DNAJC13: variants seen among roughly 807,000 people sequenced by gnomAD.
DNAJC13 encodes dnaJ homolog subfamily C member 13.
DNAJC13 carries 75 observed loss-of-function variants against 290.5 expected under a neutral mutation model. The observed-to-expected ratio is 0.26, with a 90% CI of 0.21 to 0.31. The LOEUF is 0.31. Among genes scored for constraint, DNAJC13 ranks in the 10% least tolerant of loss-of-function variants. The pLI is 1.00. For missense variants in DNAJC13, 2,260 were observed against 2,674.5 expected, an observed-to-expected ratio of 0.85 and a Z score of 3.42; for synonymous variants, 862 against 892.0, an observed-to-expected ratio of 0.97 and a Z score of 0.60.
chr3:132,503,192 A>C, intron 40 of DNAJC13, 22 bp from the exon 41 acceptor site: 1 of 1,611,008 alleles, frequency 6.2e-7, no homozygotes, highest in African/African-American at 1.3e-5. Flanking sequence ...CTACTTTAAC[A>C]ACTTAATTTT....
At chr3:132,534,516 G>T (rs540589234) in intron 55 of DNAJC13, among the ~76,000 whole-genome samples, 35 of 152,222 alleles carry the variant, frequency 2.3e-4, no homozygotes, top group African/African-American at 7.0e-4. Context: ...AATTTAGCCA[G>T]GCATGTTGGT....
chr3:132,467,397 T>G, intron 20 of DNAJC13, 84 bp downstream of exon 20: 1 of 1,379,324 alleles, frequency 7.2e-7, no homozygotes, highest in Non-Finnish European at 9.9e-7. Context: ...AGAGATGGTA[T>G]CGATACATTT....
chr3:132,457,140 C>T, intron 12 of DNAJC13, 129 bp from the exon 13 acceptor site: 1 of 741,712 alleles, frequency 1.3e-6, no homozygotes, highest in Non-Finnish European at 2.1e-6. Context: ...TGATAAATTT[C>T]AGAGGTGGAA....
chr3:132,494,861 T>C lies in DNAJC13; in HGVS notation c.3942-227T>C, dbSNP rs186451345. Among the ~76,000 whole-genome samples the C allele has an allele frequency of 1.1e-4, 17 of 152,150 alleles. No individual in the cohort carries two copies. The East Asian group carries it at 3.3e-3, about 29-fold the overall frequency. On this transcript the variant is annotated intron_variant, in intron 34 of 55. Coordinates refer to ENST00000260818, the MANE Select transcript of DNAJC13 (RefSeq NM_015268.4). ...TTCTTCCAACTCAAATATAATTTTATAATTTGAAGTGAATGGGTAGGGAAC... is the reference window on the plus strand; with the variant it reads ...TTCTTCCAACTCAAATATAATTTTACAATTTGAAGTGAATGGGTAGGGAAC...
intron 55 of DNAJC13, chr3:132,537,339 T>A (rs1936626859): frequency 2.9e-5 from 12 of 414,964 alleles, no homozygotes; most frequent in South Asian, 2.0e-4. Flanking sequence ...GTTCCTTAGT[T>A]GTTTGCCTTG....
intron 2 of DNAJC13, among the ~76,000 whole-genome samples, chr3:132,441,171 C>T (rs531344963): frequency 5.9e-5 from 9 of 152,194 alleles, no homozygotes; most frequent in East Asian, 3.9e-4. Flanking sequence ...AAAAAGAATT[C>T]GAATGGAAGG....
intron 20 of DNAJC13, among the ~76,000 whole-genome samples, chr3:132,471,917 T>A (rs1333888041): frequency 7.0e-6 from 1 of 143,850 alleles, no homozygotes; most frequent in East Asian, 2.0e-4. Flanking sequence ...TAGGTTGTAG[T>A]GAGCCGAGAT....
intron 1 of DNAJC13, among the ~76,000 whole-genome samples, chr3:132,430,465 ATTT>A (rs984024284): frequency 1.2e-4 from 18 of 151,158 alleles, no homozygotes; most frequent in Non-Finnish European, 1.9e-4. Flanking sequence ...TAAAATCTTT[ATTT>A]TTCTCTGCCT....
intron 2 of DNAJC13, among the ~76,000 whole-genome samples, chr3:132,436,162 C>T (rs1356959198): frequency 6.6e-6 from 1 of 152,150 alleles, no homozygotes; most frequent in Non-Finnish European, 1.5e-5. Context: ...TTCATCACCT[C>T]GCCTTCCCTG....
chr3:132,434,365 G>T (rs1296773580), intron 1 of DNAJC13, among the ~76,000 whole-genome samples, 173 bp from the exon 2 acceptor site: 7 of 149,088 alleles, frequency 4.7e-5, no homozygotes, highest in Non-Finnish European at 1.0e-4. Flanking sequence ...CAGCCTGGGC[G>T]ACAGAGCGAG....
At position 132,463,827 on chromosome 3, in the gene DNAJC13, T is replaced by A. The variant is rs1161773676; in HGVS notation, c.1892+10T>A. ...GGATGCTTACAAATAGGTAGGTGAT[T>A]TAATTCAATTTGCTGCAATTTAACT... On this transcript the variant is annotated intron_variant, in intron 17 of 55. Coordinates refer to ENST00000260818, the MANE Select transcript of DNAJC13 (RefSeq NM_015268.4). The A allele has an allele frequency of 6.3e-7, 1 of 1,599,012 alleles. No homozygotes were observed. Among genetic ancestry groups the A allele is most frequent in the Non-Finnish European group, 8.5e-7 (1 of 1,172,886 alleles).
At chr3:132,460,227 T>G in intron 13 of DNAJC13, 23 bp from the exon 14 acceptor site, 1 of 1,427,608 alleles carries the variant, frequency 7.0e-7, no homozygotes, top group Non-Finnish European at 9.7e-7. Flanking sequence ...GAATTATCAC[T>G]GTTTTTTTTT....
chr3:132,432,826 A>G (rs938592516), intron 1 of DNAJC13, among the ~76,000 whole-genome samples: 1 of 152,216 alleles, frequency 6.6e-6, no homozygotes, highest in African/African-American at 2.4e-5. Context: ...CACAGATTCA[A>G]CAATCTTGAT....
chr3:132,536,067 A>G (rs1015062041), intron 55 of DNAJC13, among the ~76,000 whole-genome samples: 1 of 152,234 alleles, frequency 6.6e-6, no homozygotes, highest in African/African-American at 2.4e-5. Flanking sequence ...CTCAGTTCAC[A>G]GTGCCCTTAA....
intron 29 of DNAJC13, among the ~76,000 whole-genome samples, chr3:132,487,893 T>G (rs1264575922): frequency 6.6e-6 from 1 of 152,134 alleles, no homozygotes; most frequent in Non-Finnish European, 1.5e-5. Flanking sequence ...TTAGGCTGTT[T>G]TATTGATCAT....
At chr3:132,504,746 C>G (rs1935533135) in intron 41 of DNAJC13, among the ~76,000 whole-genome samples, 1 of 152,158 alleles carries the variant, frequency 6.6e-6, no homozygotes, top group African/African-American at 2.4e-5. Context: ...GAGAGCTCAA[C>G]AATAGGAAAG....
chr3:132,528,087 C>A, intron 53 of DNAJC13, 102 bp from the exon 54 acceptor site: 2 of 1,298,944 alleles, frequency 1.5e-6, no homozygotes, highest in Non-Finnish European at 2.2e-6. Flanking sequence ...AAATACGGTG[C>A]AACAGGCTGC....
At chr3:132,499,407 T>C in intron 37 of DNAJC13, 97 bp downstream of exon 37, 1 of 1,069,860 alleles carries the variant, frequency 9.3e-7, no homozygotes, top group Non-Finnish European at 1.3e-6. Context: ...GCAGATTCTT[T>C]AATTTATTTC....
chr3:132,511,428 A>G (rs192201156), intron 44 of DNAJC13, among the ~76,000 whole-genome samples, 184 bp downstream of exon 44: 101 of 152,300 alleles, frequency 6.6e-4, no homozygotes, highest in African/African-American at 1.2e-3. Flanking sequence ...GAGAGAGGTC[A>G]AGGCACTATG....
Sources: gnomAD v4.1 joint callset for allele counts (sites outside exome capture counted in the v4.1 genomes callset) on GRCh38, gnomAD v4.1.1 for gene constraint, MANE v1.5 for transcripts, NCBI Gene and HGNC (gene_info 2026-07-23, HGNC 2026-07-21) for gene names.